Variants in PCDHGA7 observed in about 807,000 individuals in gnomAD.
PCDHGA7 encodes protocadherin gamma-A7.
Under a neutral mutation model 58.3 loss-of-function variants are expected in PCDHGA7, and 44 were observed. The observed-to-expected ratio is 0.75, with a 90% CI of 0.59 to 0.97. The LOEUF (loss-of-function observed/expected upper bound fraction) is 0.97. PCDHGA7 is among the 50% of genes least tolerant of loss of function. PCDHGA7 has a pLI of 0.00. For missense variants in PCDHGA7, 1,266 were observed against 1,188.7 expected (o/e 1.06, Z -0.96); for synonymous variants, 516 against 504.2 (o/e 1.02, Z -0.31).
In PCDHGA7 at chr5:141,388,444, A is replaced by G. The variant is rs1034138913; in HGVS notation, c.2424+3121A>G. 28 of 1,613,890 alleles carry G rather than the reference A, an allele frequency of 1.7e-5. No individual in the cohort carries two copies. Among genetic ancestry groups the G allele is most frequent in the Non-Finnish European group, 2.4e-5 (28 of 1,179,886 alleles). Reference sequence around the variant, plus strand: ...TCACTGATAAATAAAGAGAAATCAGATGGCAGTAAATACCCTGAGATGGTA... The same window carrying G: ...TCACTGATAAATAAAGAGAAATCAGGTGGCAGTAAATACCCTGAGATGGTA... On this transcript the variant is annotated intron_variant, in intron 1 of 3. Transcript: ENST00000518325.
In PCDHGA7 at chr5:141,433,837, CA is replaced by C. The variant is rs56191208; in HGVS notation, c.2424+48532del. ...GGGCAACAAGAGTGAAACTCTATCT[CA>C]AAAAAAAAAAAAAAAAACTTTATCC... On this transcript the variant is annotated intron_variant, in intron 1 of 3. Coordinates refer to ENST00000518325, the MANE Select transcript of PCDHGA7 (RefSeq NM_018920.4). Among the ~76,000 whole-genome samples, 895 of 111,670 alleles carry C rather than the reference CA, an allele frequency of 8.0e-3. 6 individuals carry two copies. Among genetic ancestry groups the C allele is most frequent in the South Asian group, 0.02 (67 of 3,288 alleles). The allele number at this position is 111,670 out of a possible 152,430, so 73.3% of individuals were successfully genotyped here. A position where few individuals can be genotyped will look rare whatever the true frequency, so the allele number is the denominator to read the frequency against.
chr5:141,404,982 G>GGATTA (rs1244941764), intron 1 of PCDHGA7: 10 of 1,613,938 alleles, frequency 6.2e-6, no homozygotes, highest in Non-Finnish European at 8.5e-6. Context: ...GACCTGGGCA[G>GGATTA]TCTTCAGATC....
chr5:141,415,866 T>A, intron 1 of PCDHGA7: 1 of 1,115,266 alleles, frequency 9.0e-7, no homozygotes, highest in Non-Finnish European at 1.2e-6. Context: ...GTTTATAGTG[T>A]TGTTGAGTAC....
At chr5:141,466,280 C>T (rs1181499549) in intron 1 of PCDHGA7, among the ~76,000 whole-genome samples, 1 of 152,142 alleles carries the variant, frequency 6.6e-6, no homozygotes, top group Admixed American at 6.6e-5. Flanking sequence ...AAGCAATCTT[C>T]CCACCTCAGG....
In PCDHGA7 at chr5:141,394,525, G is replaced by T; in HGVS notation, c.2424+9202G>T. ...CTGTACCCCGCCCTCCCCACAGACG[G>T]TTCCACTGGCGTGGAGCTGGCGCCC... On this transcript the variant is annotated intron_variant, in intron 1 of 3. Coordinates refer to ENST00000518325, the MANE Select transcript of PCDHGA7 (RefSeq NM_018920.4). 3 of 1,614,228 alleles carry T rather than the reference G, an allele frequency of 1.9e-6. No homozygotes were observed. The East Asian group carries it at 6.7e-5, about 36-fold the overall frequency.
At chr5:141,430,581 C>A in intron 1 of PCDHGA7, 1 of 483,436 alleles carries the variant, frequency 2.1e-6, no homozygotes, top group Non-Finnish European at 3.4e-6. Context: ...GGAGATCCTG[C>A]TCGCCTTGCA....
intron 3 of PCDHGA7, among the ~76,000 whole-genome samples, chr5:141,505,926 G>A (rs114056147): frequency 0.012 from 1,893 of 152,254 alleles, 12 homozygotes; most frequent in Middle Eastern, 0.034. Context: ...TGGGCCTGGC[G>A]CTTGGAAGCC....
intron 1 of PCDHGA7, chr5:141,416,504 C>G (rs966090979): frequency 1.3e-5 from 2 of 152,040 alleles, no homozygotes; most frequent in African/African-American, 4.8e-5. Flanking sequence ...AGATATATGA[C>G]AAAGCTATTT....
At chr5:141,415,095 C>A (rs1045755927) in intron 1 of PCDHGA7, 2 of 1,613,466 alleles carry the variant, frequency 1.2e-6, no homozygotes, top group East Asian at 2.2e-5. Flanking sequence ...TGGACAGAGA[C>A]GCGCTCAAGC....
intron 1 of PCDHGA7, chr5:141,393,681 C>G (rs2092820491): frequency 1.2e-6 from 2 of 1,613,772 alleles, no homozygotes; most frequent in Non-Finnish European, 1.7e-6. Context: ...AAAACAAACT[C>G]CGTTATTCCA....
intron 1 of PCDHGA7, chr5:141,405,588 G>T: frequency 1.7e-6 from 1 of 584,820 alleles, no homozygotes; most frequent in Non-Finnish European, 3.0e-6. Flanking sequence ...GGGACTACAG[G>T]CCTCCCAAGT....
Position 141,511,309 on chromosome 5 carries a change from G to C in PCDHGA7, c.*136G>C. The stretch of plus-strand genomic sequence containing the variant: ...GGGGCCAAGGCCATGCTCCCCTTGG[G>C]AAACAGAAACAAGTGCCCAGTCAGC... On this transcript the variant is annotated 3_prime_UTR_variant, in exon 4 of 4. Coordinates refer to ENST00000518325, the MANE Select transcript of PCDHGA7 (RefSeq NM_018920.4). 4.0e-6 allele frequency: 6 copies of C among 1,485,470 alleles called. No homozygotes were observed. Among genetic ancestry groups the C allele is most frequent in the Non-Finnish European group, 4.5e-6 (5 of 1,113,432 alleles). 92.0% of individuals were successfully genotyped at this position (1,485,470 alleles called of 1,614,324 possible).
chr5:141,407,981 C>G, intron 1 of PCDHGA7: 4 of 770,010 alleles, frequency 5.2e-6, no homozygotes, highest in Non-Finnish European at 7.8e-6. Flanking sequence ...GCCGGGGATC[C>G]GTCAGCCTCT....
intron 2 of PCDHGA7, among the ~76,000 whole-genome samples, chr5:141,504,280 C>T (rs1027657223): frequency 6.6e-6 from 1 of 152,076 alleles, no homozygotes; most frequent in Admixed American, 6.6e-5. Context: ...AATTATGAAT[C>T]ATTTCATGTT....
At chr5:141,500,929 C>T (rs1347340945) in intron 2 of PCDHGA7, among the ~76,000 whole-genome samples, 2 of 151,210 alleles carry the variant, frequency 1.3e-5, no homozygotes, top group South Asian at 2.1e-4. Flanking sequence ...GGTGCAGTGG[C>T]GCCATCTCGG....
chr5:141,472,980 C>CAAAAAAAAAAAAAAAAGAAAAAAAAA (rs2099308501), intron 1 of PCDHGA7, among the ~76,000 whole-genome samples: 1 of 86,106 alleles, frequency 1.2e-5, no homozygotes, highest in Non-Finnish European at 2.5e-5. Context: ...GAGTGAAACT[C>CAAAAAAAAAAAAAAAAGAAAAAAAAA]AAAAAAAAAA....
chr5:141,425,207 G>A lies in PCDHGA7; in HGVS notation c.2424+39884G>A, dbSNP rs546494803. 1.8e-3 allele frequency among the ~76,000 whole-genome samples: 281 copies of A among 152,238 alleles called. 1 individual carries two copies. The highest frequency in any genetic ancestry group is 6.6e-3 in the African/African-American group (274 of 41,534). ...TCCAAACTGAGAAAAATGATGTAAG[G>A]CATTGTACTTTGACTGGAATTAGTT... On this transcript the variant is annotated intron_variant, in intron 1 of 3. Coordinates refer to ENST00000518325, the MANE Select transcript of PCDHGA7 (RefSeq NM_018920.4).
intron 1 of PCDHGA7, chr5:141,415,883 G>C: frequency 1.0e-6 from 1 of 984,090 alleles, no homozygotes; most frequent in Non-Finnish European, 1.4e-6. Context: ...GTACAATATT[G>C]ACAATTCCTA....
intron 1 of PCDHGA7, chr5:141,422,726 T>C: frequency 5.6e-6 from 9 of 1,605,994 alleles, no homozygotes; most frequent in African/African-American, 4.0e-5. Flanking sequence ...GTCCAGGGGG[T>C]GCCTCTGTCC....
Sources: allele counts gnomAD v4.1 joint callset (sites outside exome capture counted in the v4.1 genomes callset), GRCh38; gene constraint gnomAD v4.1.1; transcripts MANE v1.5; gene names NCBI Gene and HGNC (gene_info 2026-07-23, HGNC 2026-07-21).